Variants in IL6R observed in about 807,000 individuals in gnomAD.
The protein encoded by IL6R is interleukin 6 receptor, also known as interleukin-6 receptor subunit alpha.
A neutral mutation model predicts 48.3 loss-of-function variants in IL6R; 38 were observed. The ratio of observed to expected loss-of-function variants is 0.79; its 90% CI spans 0.61 to 1.03. The LOEUF is 1.03. Ranked by LOEUF, IL6R falls within the 50% of genes least tolerant of loss-of-function variation. The probability of loss-of-function intolerance (pLI) is 0.00; values close to 1 mark genes in which losing one functional copy is unlikely to be tolerated. For missense variants in IL6R, 534 were observed against 618.3 expected, an observed-to-expected ratio of 0.86 and a Z score of 1.45; for synonymous variants, 264 against 256.2, an observed-to-expected ratio of 1.03 and a Z score of -0.29.
intron 1 of IL6R, among the ~76,000 whole-genome samples, chr1:154,415,752 G>A (rs1448577049): frequency 6.6e-6 from 1 of 152,208 alleles, no homozygotes; most frequent in East Asian, 1.9e-4. Context: ...GCCGAGGCAG[G>A]TGGATCATTT....
chr1:154,429,120 G>A (rs1689142392), intron 1 of IL6R, 76 bp from the exon 2 acceptor site: 4 of 1,504,922 alleles, frequency 2.7e-6, no homozygotes, highest in Admixed American at 1.9e-5. Flanking sequence ...GAGGCCTCTC[G>A]TGGCTTCCTC....
At chr1:154,447,041 T>A (rs139935284) in intron 6 of IL6R, among the ~76,000 whole-genome samples, 2,013 of 152,280 alleles carry the variant, frequency 0.013, 18 homozygotes, top group Non-Finnish European at 0.021. Context: ...CTTGGGAAGC[T>A]GAGATGGGAG....
In IL6R at chr1:154,434,976, C is replaced by A; in HGVS notation, c.641-14C>A. ...TTTGGTGCTGCAAAGGAGTCATGCT[C>A]ACTTTTCCCACAGTGCAGCCTGATC... On this transcript the variant is annotated splice_polypyrimidine_tract_variant and intron_variant, in intron 4 of 9. Coordinates refer to ENST00000368485, the MANE Select transcript of IL6R (RefSeq NM_000565.4). 1 of 1,613,182 alleles carries A rather than the reference C, an allele frequency of 6.2e-7. No homozygotes were observed. Among genetic ancestry groups the A allele is most frequent in the South Asian group, 1.1e-5 (1 of 91,008 alleles).
chr1:154,436,339 A>C (rs1374444249), intron 6 of IL6R, among the ~76,000 whole-genome samples: 2 of 152,094 alleles, frequency 1.3e-5, no homozygotes, highest in African/African-American at 4.8e-5. Context: ...TTAGCTGGAC[A>C]TGGTGGCAGG....
At chr1:154,440,642 T>C (rs955417237) in intron 6 of IL6R, among the ~76,000 whole-genome samples, 1 of 149,112 alleles carries the variant, frequency 6.7e-6, no homozygotes, top group Non-Finnish European at 1.5e-5. Context: ...TGCATTTCCC[T>C]AATGATTAAT....
At chr1:154,412,537 C>A (rs544732176) in intron 1 of IL6R, among the ~76,000 whole-genome samples, 2 of 152,050 alleles carry the variant, frequency 1.3e-5, no homozygotes, top group African/African-American at 4.8e-5. Flanking sequence ...GGATTACAGA[C>A]GTGAGCTACC....
At chr1:154,461,317 T>C (rs776468205) in intron 9 of IL6R, among the ~76,000 whole-genome samples, 36 of 152,116 alleles carry the variant, frequency 2.4e-4, no homozygotes, top group Non-Finnish European at 4.3e-4. Flanking sequence ...GCCTGGATAA[T>C]ATCCAGCCTT....
At chr1:154,430,690 A>C (rs1361486067) in intron 3 of IL6R, 84 bp downstream of exon 3, 1 of 1,543,048 alleles carries the variant, frequency 6.5e-7, no homozygotes, top group Non-Finnish European at 8.9e-7. Context: ...AGGTGATTTC[A>C]AAACATTATC....
intron 6 of IL6R, among the ~76,000 whole-genome samples, chr1:154,438,998 G>T (rs776444183): frequency 6.6e-6 from 1 of 151,936 alleles, no homozygotes; most frequent in African/African-American, 2.4e-5. Context: ...AGGGTAGATC[G>T]TATTGACCTG....
chr1:154,430,758 C>T (rs1026438869), intron 3 of IL6R, 152 bp downstream of exon 3: 5 of 1,038,448 alleles, frequency 4.8e-6, no homozygotes, highest in South Asian at 2.8e-5. Flanking sequence ...CTGAGATTTA[C>T]ATTTGACTGC....
chr1:154,437,329 C>T (rs1689681738), intron 6 of IL6R: 1 of 254,984 alleles, frequency 3.9e-6, no homozygotes, highest in Admixed American at 4.1e-5. Context: ...AATCTCCTGA[C>T]CTTGTGATCC....
intron 5 of IL6R, 150 bp from the exon 6 acceptor site, chr1:154,435,819 C>T (rs902087009): frequency 3.2e-6 from 2 of 624,496 alleles, no homozygotes; most frequent in Non-Finnish European, 5.4e-6. Flanking sequence ...GGGCAACCCC[C>T]TCTCTAGCAG....
At chr1:154,444,166 A>G (rs1483230535) in intron 6 of IL6R, among the ~76,000 whole-genome samples, 1 of 152,088 alleles carries the variant, frequency 6.6e-6, no homozygotes, top group Non-Finnish European at 1.5e-5. Flanking sequence ...ACGGGTCTGT[A>G]AAATTTCAAA....
At chr1:154,436,277 G>T (rs1405395050) in intron 6 of IL6R, among the ~76,000 whole-genome samples, 167 bp downstream of exon 6, 2 of 152,120 alleles carry the variant, frequency 1.3e-5, no homozygotes, top group African/African-American at 4.8e-5. Context: ...GATTGCCTGA[G>T]GTCAGCCTGG....
intron 1 of IL6R, among the ~76,000 whole-genome samples, chr1:154,420,732 C>T (rs990311032): frequency 6.6e-6 from 1 of 151,842 alleles, no homozygotes; most frequent in African/African-American, 2.4e-5. Context: ...GACAGGGTTT[C>T]ACCATGTTGG....
chr1:154,456,972 A>G (rs1571006178), intron 9 of IL6R, among the ~76,000 whole-genome samples: 1 of 152,290 alleles, frequency 6.6e-6, no homozygotes. Context: ...TGTTGGAATT[A>G]CAACATGAAT....
chr1:154,414,730 G>C (rs1214689573), intron 1 of IL6R: 1 of 809,870 alleles, frequency 1.2e-6, no homozygotes, highest in African/African-American at 1.7e-5. Flanking sequence ...CAGGGACACA[G>C]GGTTTTTGGT....
At chr1:154,444,145 G>A (rs940691583) in intron 6 of IL6R, among the ~76,000 whole-genome samples, 4 of 151,496 alleles carry the variant, frequency 2.6e-5, no homozygotes, top group Non-Finnish European at 4.4e-5. Flanking sequence ...ATTCCTAAAC[G>A]TTGGGATTTC....
At chr1:154,424,616 G>T (rs1046538280) in intron 1 of IL6R, among the ~76,000 whole-genome samples, 7 of 152,170 alleles carry the variant, frequency 4.6e-5, no homozygotes, top group African/African-American at 1.7e-4. Flanking sequence ...TTTATCCAGT[G>T]GAAAATGGAA....
Sources: allele counts gnomAD v4.1 joint callset (sites outside exome capture counted in the v4.1 genomes callset), GRCh38; gene constraint gnomAD v4.1.1; transcripts MANE v1.5; gene names NCBI Gene and HGNC (gene_info 2026-07-23, HGNC 2026-07-21).